The following ZNF804B variants were observed in gnomAD, a reference collection of about 807,000 sequenced individuals.
The protein encoded by ZNF804B is zinc finger 804B.
Under a neutral mutation model 101.4 loss-of-function variants are expected in ZNF804B, and 80 were observed. The ratio of observed to expected loss-of-function variants is 0.79; its 90% confidence interval spans 0.66 to 0.95. The LOEUF (loss-of-function observed/expected upper bound fraction) is 0.95, where lower values mean the gene tolerates loss of function less well. Among genes scored for constraint, ZNF804B ranks in the 40% least tolerant of loss-of-function variants. The pLI is 0.00. For synonymous variants in ZNF804B, 622 were observed against 558.8 expected (o/e 1.11, Z -1.59); for missense variants, 1,673 against 1,561.9 (o/e 1.07, Z -1.20).
chr7:88,787,805 C>T (rs986436769), intron 1 of ZNF804B, among the ~76,000 whole-genome samples: 1 of 152,202 alleles, frequency 6.6e-6, no homozygotes, highest in African/African-American at 2.4e-5. Context: ...CTTGATTAAA[C>T]CTTCTGCTAT....
chr7:88,803,069 C>T (rs1790614492), intron 1 of ZNF804B, among the ~76,000 whole-genome samples: 1 of 151,958 alleles, frequency 6.6e-6, no homozygotes, highest in Non-Finnish European at 1.5e-5. Context: ...AGAGAGAAAT[C>T]TAGCCATGTT....
rs73705587 is a variant in ZNF804B at position 88,914,249 on chromosome 7, G to A, written c.108+154165G>A. ...TCATGGAAAATTTGTCTTGAATTTAGCCCGTAAAGGGTAATCTAAAATGGC... is the reference window on the plus strand; with the variant it reads ...TCATGGAAAATTTGTCTTGAATTTAACCCGTAAAGGGTAATCTAAAATGGC... On this transcript the variant is annotated intron_variant, in intron 1 of 3. Transcript: ENST00000333190. 3.0e-3 allele frequency among the ~76,000 whole-genome samples: 462 copies of A among 152,272 alleles called. 4 individuals are homozygous for A. The highest frequency in any genetic ancestry group is 0.01 in the African/African-American group (431 of 41,566).
rs1360680859 is a variant in ZNF804B at position 88,834,382 on chromosome 7, G to A, written c.108+74298G>A. On this transcript the variant is annotated intron_variant, in intron 1 of 3. Coordinates refer to ENST00000333190, the MANE Select transcript of ZNF804B (RefSeq NM_181646.5). ...ATAAGCTGATCACACATATTAATTCGTGCTTTAGAATTCCAATATAGTCTA... is the reference window on the plus strand; with the variant it reads ...ATAAGCTGATCACACATATTAATTCATGCTTTAGAATTCCAATATAGTCTA... 4.6e-5 allele frequency among the ~76,000 whole-genome samples: 7 copies of A among 151,692 alleles called. No individual in the cohort carries two copies. In the East Asian group the frequency reaches 5.8e-4, roughly 13 times the overall value.
At chr7:89,020,427 T>C (rs771902842) in intron 1 of ZNF804B, among the ~76,000 whole-genome samples, 9 of 152,162 alleles carry the variant, frequency 5.9e-5, no homozygotes, top group Non-Finnish European at 1.2e-4. Flanking sequence ...CTGAGAAATC[T>C]GTTAGTGTAA....
At chr7:88,927,145 A>G (rs959904229) in intron 1 of ZNF804B, among the ~76,000 whole-genome samples, 1 of 152,200 alleles carries the variant, frequency 6.6e-6, no homozygotes, top group Admixed American at 6.6e-5. Flanking sequence ...TTTAGCATCT[A>G]TAAGCTGTAT....
intron 1 of ZNF804B, among the ~76,000 whole-genome samples, chr7:88,881,925 C>T (rs1333418695): frequency 1.3e-5 from 2 of 152,150 alleles, no homozygotes; most frequent in South Asian, 2.1e-4. Flanking sequence ...TTCACATAAT[C>T]ATCTTTCAGT....
chr7:89,128,406 T>C (rs2116375978), intron 1 of ZNF804B, among the ~76,000 whole-genome samples: 1 of 152,090 alleles, frequency 6.6e-6, no homozygotes, highest in African/African-American at 2.4e-5. Context: ...ATATAGAATT[T>C]TATGTGCCAA....
chr7:89,113,305 G>A (rs1790248769), intron 1 of ZNF804B, among the ~76,000 whole-genome samples: 1 of 152,110 alleles, frequency 6.6e-6, no homozygotes. Context: ...GGCCTCAATG[G>A]CATGCAATTT....
chr7:89,149,582 C>T (rs1167081976), intron 1 of ZNF804B, among the ~76,000 whole-genome samples: 1 of 152,028 alleles, frequency 6.6e-6, no homozygotes, highest in Non-Finnish European at 1.5e-5. Context: ...TACCAAGTCA[C>T]TTTTCAAATC....
At chr7:89,190,634 A>G (rs1788442062) in intron 1 of ZNF804B, among the ~76,000 whole-genome samples, 1 of 152,148 alleles carries the variant, frequency 6.6e-6, no homozygotes. Flanking sequence ...GCAAACTGCT[A>G]TCAAACAGCA....
chr7:89,276,559 G>T (rs964095516), intron 2 of ZNF804B, among the ~76,000 whole-genome samples: 1 of 151,708 alleles, frequency 6.6e-6, no homozygotes, highest in Non-Finnish European at 1.5e-5. Flanking sequence ...GAGATAAATT[G>T]AAAATATATT....
At chr7:89,109,145 C>G (rs7789436) in intron 1 of ZNF804B, among the ~76,000 whole-genome samples, 72,130 of 150,652 alleles carry the variant, frequency 0.48, 18,464 homozygotes, top group East Asian at 0.68. Flanking sequence ...CTTGTAATTA[C>G]CAGGAAAATA....
intron 1 of ZNF804B, among the ~76,000 whole-genome samples, chr7:88,969,899 A>G (rs1793506737): frequency 6.6e-6 from 1 of 150,748 alleles, no homozygotes; most frequent in African/African-American, 2.5e-5. Context: ...GTAATATAAC[A>G]TATAATAGAA....
chr7:89,263,280 A>G (rs888774574), intron 2 of ZNF804B, among the ~76,000 whole-genome samples: 2 of 152,142 alleles, frequency 1.3e-5, no homozygotes, highest in Non-Finnish European at 2.9e-5. Context: ...GATCCTTAGC[A>G]TCTTATTCAC....
At chr7:88,892,339 G>C (rs1792226163) in intron 1 of ZNF804B, among the ~76,000 whole-genome samples, 1 of 152,064 alleles carries the variant, frequency 6.6e-6, no homozygotes, top group Non-Finnish European at 1.5e-5. Flanking sequence ...TGTTTATGAA[G>C]GGTTTGTGTC....
At chr7:88,914,119 T>C (rs1476233791) in intron 1 of ZNF804B, among the ~76,000 whole-genome samples, 1 of 152,194 alleles carries the variant, frequency 6.6e-6, no homozygotes, top group Non-Finnish European at 1.5e-5. Flanking sequence ...TCTGCTTATC[T>C]ATCCCTTTGC....
intron 2 of ZNF804B, among the ~76,000 whole-genome samples, chr7:89,311,183 G>A (rs1790645142): frequency 6.6e-6 from 1 of 152,124 alleles, no homozygotes; most frequent in African/African-American, 2.4e-5. Context: ...TATAATGCTT[G>A]GAAGTATTTC....
intron 1 of ZNF804B, among the ~76,000 whole-genome samples, chr7:89,158,147 G>C (rs976186033): frequency 6.6e-6 from 1 of 151,940 alleles, no homozygotes; most frequent in Non-Finnish European, 1.5e-5. Context: ...ACATGATTCT[G>C]GTTTGAATCA....
chr7:88,853,604 ATGTG>A, intron 1 of ZNF804B, among the ~76,000 whole-genome samples: 1 of 152,138 alleles, frequency 6.6e-6, no homozygotes, highest in Non-Finnish European at 1.5e-5. Context: ...AACTTTAAAT[ATGTG>A]ACATTATATC....
Sources: gnomAD v4.1 joint callset for allele counts (sites outside exome capture counted in the v4.1 genomes callset) on GRCh38, gnomAD v4.1.1 for gene constraint, MANE v1.5 for transcripts, NCBI Gene and HGNC (gene_info 2026-07-23, HGNC 2026-07-21) for gene names.